DTWD2: variants seen among roughly 807,000 people sequenced by gnomAD.
DTWD2 encodes the protein tRNA-uridine aminocarboxypropyltransferase 2.
DTWD2 carries 39 observed loss-of-function variants against 31.8 expected under a neutral mutation model. The observed-to-expected ratio is 1.22, with a 90% CI of 0.95 to 1.60. DTWD2 has a LOEUF of 1.60. Ranked by LOEUF, DTWD2 falls within the 40% of genes most tolerant of loss-of-function variation. DTWD2 has a pLI of 0.00. For synonymous variants in DTWD2, 180 were observed against 142.8 expected, an observed-to-expected ratio of 1.26 and a Z score of -1.86; for missense variants, 515 against 381.5, an observed-to-expected ratio of 1.35 and a Z score of -2.92.
At chr5:118,937,618 C>G (rs1186604391) in intron 3 of DTWD2, among the ~76,000 whole-genome samples, 1 of 152,178 alleles carries the variant, frequency 6.6e-6, no homozygotes, top group Non-Finnish European at 1.5e-5. Context: ...ACCTAAAGGT[C>G]AATACCAGAG....
rs1015732984 is a variant in DTWD2, at chr5:118,836,782, G to T, written c.*4135C>A. On this transcript the variant is annotated 3_prime_UTR_variant, in exon 6 of 6. Transcript: ENST00000510708. ...GACACAGCTAGAATGCACCATCTAT[G>T]AACCAGTGAGTGGGCCCCTCACCAG... 3.9e-5 allele frequency among the ~76,000 whole-genome samples: 6 copies of T among 152,304 alleles called. No homozygotes were observed. The highest frequency in any genetic ancestry group is 1.2e-4 in the African/African-American group (5 of 41,578).
intron 3 of DTWD2, among the ~76,000 whole-genome samples, chr5:118,934,652 A>G (rs1753997714): frequency 6.6e-6 from 1 of 152,186 alleles, no homozygotes; most frequent in Non-Finnish European, 1.5e-5. Context: ...AAAGAGGAAC[A>G]AAAGATCAAA....
At chr5:118,916,665 CAAA>C (rs750721731) in intron 4 of DTWD2, among the ~76,000 whole-genome samples, 8 of 90,350 alleles carry the variant, frequency 8.9e-5, no homozygotes, top group Non-Finnish European at 6.8e-5. Flanking sequence ...AACTCTGTCC[CAAA>C]AAAAAAAAAA....
rs115045174 is a variant in DTWD2, at chr5:118,971,871, T to C, written c.218+16423A>G. On this transcript the variant is annotated intron_variant, in intron 1 of 5. Transcript: ENST00000510708. ...ATGGAAATTGAACAACCTGAATGAC[T>C]CCTTGATAAATTACGAAATTAAGGC... Among the ~76,000 whole-genome samples the C allele has an allele frequency of 9.1e-3, 1,382 of 152,246 alleles. 6 individuals carry two copies. The highest frequency in any genetic ancestry group is 0.015 in the Non-Finnish European group (1,033 of 67,994).
intron 4 of DTWD2, among the ~76,000 whole-genome samples, chr5:118,857,458 ATATCGTTTTTTGTGAAATGGCTG>A (rs1752164212): frequency 6.6e-6 from 1 of 152,108 alleles, no homozygotes; most frequent in African/African-American, 2.4e-5. Context: ...CATTGGCCAT[ATATCGTTTTTTGTGAAATGGCTG>A]TTTAAGTCTT....
chr5:118,905,978 T>C (rs1422488260), intron 4 of DTWD2, among the ~76,000 whole-genome samples: 1 of 152,102 alleles, frequency 6.6e-6, no homozygotes, highest in East Asian at 1.9e-4. Context: ...AAGACTTGTA[T>C]CCAGAATATG....
rs918732206 is a variant in DTWD2 at position 118,988,541 on chromosome 5, G to T, written c.-30C>A. 2 of 1,481,480 alleles carry T rather than the reference G, an allele frequency of 1.3e-6. No individual in the cohort carries two copies. The highest frequency in any genetic ancestry group is 1.8e-6 in the Non-Finnish European group (2 of 1,118,974). The allele number at this position is 1,481,480 out of a possible 1,614,324, so 91.8% of individuals were successfully genotyped here. On this transcript the variant is annotated 5_prime_UTR_variant, in exon 1 of 6. Transcript: ENST00000510708. ...GACACTCCGGTCAGGCCGTGGCATT[G>T]AAGCCCGGCTGCCGCCGGGGGGCGC...
chr5:118,915,088 A>G (rs1753544195), intron 4 of DTWD2, among the ~76,000 whole-genome samples: 1 of 152,070 alleles, frequency 6.6e-6, no homozygotes, highest in Non-Finnish European at 1.5e-5. Context: ...GTGGCAGCAC[A>G]CGCCTATAAT....
intron 1 of DTWD2, among the ~76,000 whole-genome samples, chr5:118,981,798 T>C (rs1163969670): frequency 6.6e-6 from 1 of 152,140 alleles, no homozygotes; most frequent in Non-Finnish European, 1.5e-5. Flanking sequence ...AATACAATAA[T>C]TTAAAAATTG....
At chr5:118,866,291 G>A (rs1283899071) in intron 4 of DTWD2, among the ~76,000 whole-genome samples, 1 of 152,024 alleles carries the variant, frequency 6.6e-6, no homozygotes, top group African/African-American at 2.4e-5. Context: ...AAAATTTTAT[G>A]ATTCTTTAAA....
intron 1 of DTWD2, among the ~76,000 whole-genome samples, chr5:118,963,027 A>G (rs906168410): frequency 1.3e-5 from 2 of 152,266 alleles, no homozygotes; most frequent in Non-Finnish European, 2.9e-5. Context: ...GAGATAAATA[A>G]ACAAACGTGA....
intron 4 of DTWD2, among the ~76,000 whole-genome samples, chr5:118,851,852 AAG>A (rs1466202408): frequency 3.7e-4 from 55 of 150,248 alleles, no homozygotes; most frequent in African/African-American, 1.3e-3. Flanking sequence ...AAAAAAAAAA[AAG>A]AAAAAAGAAA....
intron 1 of DTWD2, chr5:118,974,767 T>C (rs1755108288): frequency 5.1e-6 from 2 of 390,382 alleles, no homozygotes; most frequent in Admixed American, 3.6e-5. Context: ...AACAATGTTG[T>C]CCAACAATAA....
At chr5:118,894,857 C>A (rs1753047701) in intron 4 of DTWD2, among the ~76,000 whole-genome samples, 1 of 152,022 alleles carries the variant, frequency 6.6e-6, no homozygotes. Context: ...AAAAAACATA[C>A]CTCAACATCA....
At chr5:118,916,744 T>A (rs1468674429) in intron 4 of DTWD2, among the ~76,000 whole-genome samples, 1 of 151,996 alleles carries the variant, frequency 6.6e-6, no homozygotes, top group Non-Finnish European at 1.5e-5. Context: ...TGCCTTTCAA[T>A]TTAATGTGGA....
intron 1 of DTWD2, among the ~76,000 whole-genome samples, chr5:118,972,915 G>C (rs903780864): frequency 1.1e-4 from 17 of 152,072 alleles, no homozygotes; most frequent in African/African-American, 3.9e-4. Context: ...GGGTGCCCCT[G>C]TATTGGGTGC....
chr5:118,852,405 G>A (rs1752031760), intron 4 of DTWD2, among the ~76,000 whole-genome samples: 1 of 152,104 alleles, frequency 6.6e-6, no homozygotes, highest in South Asian at 2.1e-4. Flanking sequence ...GTATTACTAA[G>A]GAAGTGATAA....
intron 1 of DTWD2, among the ~76,000 whole-genome samples, chr5:118,962,559 G>C (rs1019426821): frequency 2.0e-5 from 3 of 152,018 alleles, no homozygotes; most frequent in African/African-American, 7.3e-5. Context: ...CTGGATATTA[G>C]CAAAACAGAC....
chr5:118,872,962 T>C (rs981298323), intron 4 of DTWD2, among the ~76,000 whole-genome samples: 2 of 152,054 alleles, frequency 1.3e-5, no homozygotes, highest in African/African-American at 4.8e-5. Flanking sequence ...ACACAGAAGC[T>C]GGGCAGAAGG....
Sources: allele counts gnomAD v4.1 joint callset (sites outside exome capture counted in the v4.1 genomes callset), GRCh38; gene constraint gnomAD v4.1.1; transcripts MANE v1.5; gene names NCBI Gene and HGNC (gene_info 2026-07-23, HGNC 2026-07-21).